The following CERS6 variants were observed in gnomAD, a reference collection of about 807,000 sequenced individuals.
CERS6 encodes the protein ceramide synthase 6.
In CERS6, 26 loss-of-function variants were observed where a neutral mutation model predicts 56.8. The observed-to-expected ratio is 0.46, with a 90% CI of 0.34 to 0.63. CERS6 has a LOEUF of 0.63. Ranked by LOEUF, CERS6 falls within the 30% of genes least tolerant of loss-of-function variation. The probability of loss-of-function intolerance (pLI) is 0.01; values close to 1 mark genes in which losing one functional copy is unlikely to be tolerated. For missense variants in CERS6, 415 were observed against 467.5 expected (o/e 0.89, Z 1.04); for synonymous variants, 164 against 173.3 (o/e 0.95, Z 0.42).
At chr2:168,478,065 G>C (rs1694111048) in intron 1 of CERS6, among the ~76,000 whole-genome samples, 1 of 149,352 alleles carries the variant, frequency 6.7e-6, no homozygotes, top group South Asian at 2.2e-4. Flanking sequence ...AAGGTTTCAA[G>C]TTTTATGTAG....
intron 4 of CERS6, among the ~76,000 whole-genome samples, chr2:168,648,035 A>G (rs1685246556): frequency 6.6e-6 from 1 of 152,060 alleles, no homozygotes; most frequent in Admixed American, 6.6e-5. Context: ...ATAGATTGAC[A>G]TGGGGGAAGA....
intron 8 of CERS6, among the ~76,000 whole-genome samples, chr2:168,737,918 T>G (rs1047733672): frequency 6.6e-6 from 1 of 152,216 alleles, no homozygotes; most frequent in Admixed American, 6.5e-5. Context: ...GATAATGGCA[T>G]TATGGTGAGT....
At chr2:168,600,071 T>C (rs190034640) in intron 3 of CERS6, among the ~76,000 whole-genome samples, 40 of 152,292 alleles carry the variant, frequency 2.6e-4, no homozygotes, top group Non-Finnish European at 3.7e-4. Flanking sequence ...GGCTCTAATA[T>C]ATCCTGGTTT....
rs57661032 is a variant in CERS6, at chr2:168,501,697, A to G, written c.170+45079A>G. ...ACTTTTGCCAGACCAGCTGTCTTTTAATGATTTCATCAATCTGCTCAACTA... is the reference window on the plus strand; with the variant it reads ...ACTTTTGCCAGACCAGCTGTCTTTTGATGATTTCATCAATCTGCTCAACTA... On this transcript the variant is annotated intron_variant, in intron 1 of 9. Coordinates refer to ENST00000305747, the MANE Select transcript of CERS6 (RefSeq NM_203463.3). Among the ~76,000 whole-genome samples, 773 of 152,312 alleles carry G rather than the reference A, an allele frequency of 5.1e-3. 5 individuals carry two copies. The highest frequency in any genetic ancestry group is 0.017 in the African/African-American group (710 of 41,574).
intron 3 of CERS6, among the ~76,000 whole-genome samples, chr2:168,593,928 A>C (rs957442212): frequency 1.3e-5 from 2 of 152,130 alleles, no homozygotes; most frequent in African/African-American, 4.8e-5. Context: ...ATACTCTGTT[A>C]CTCTGTTTTG....
chr2:168,575,644 A>G (rs1252780425), intron 3 of CERS6, among the ~76,000 whole-genome samples: 5 of 152,194 alleles, frequency 3.3e-5, no homozygotes, highest in Non-Finnish European at 4.4e-5. Context: ...TGATAGCACT[A>G]TAGTAGCACT....
rs570613045 is a variant in CERS6 at position 168,771,074 on chromosome 2, C to G, written c.*1412C>G. On this transcript the variant is annotated 3_prime_UTR_variant, in exon 10 of 10. Transcript: ENST00000305747. ...GTAAGAGGAAAAAGGGATTATAAAA[C>G]CCTTCATAAATCAAGAAGGCCATCA... is the stretch of plus-strand genomic sequence containing the variant. 3 of 152,260 alleles carry G rather than the reference C, an allele frequency of 2.0e-5. 1 individual carries two copies. The highest frequency in any genetic ancestry group is 7.2e-5 in the African/African-American group (3 of 41,542). 9.4% of individuals were successfully genotyped at this position (152,260 alleles called of 1,614,324 possible). A position where few individuals can be genotyped will look rare whatever the true frequency, so the allele number is the denominator to read the frequency against.
intron 3 of CERS6, among the ~76,000 whole-genome samples, chr2:168,618,074 T>G (rs1684362477): frequency 6.6e-6 from 1 of 152,126 alleles, no homozygotes. Context: ...AGGAGTGGTT[T>G]AACATACATC....
chr2:168,689,408 C>G (rs965282217), intron 4 of CERS6, among the ~76,000 whole-genome samples: 1 of 151,958 alleles, frequency 6.6e-6, no homozygotes, highest in Non-Finnish European at 1.5e-5. Context: ...TACATAGGGA[C>G]AAAAGACCAA....
chr2:168,760,766 A>ATTTATTTATTTT (rs1224521892), intron 8 of CERS6, among the ~76,000 whole-genome samples: 5 of 127,120 alleles, frequency 3.9e-5, no homozygotes, highest in African/African-American at 1.3e-4. Flanking sequence ...TTATTTATTT[A>ATTTATTTATTTT]TTTTTTTGAG....
rs1053416153 is a variant in CERS6, at chr2:168,772,278, G to GT, written c.*2616_*2617insT. The GT allele has an allele frequency of 2.6e-5, 4 of 152,546 alleles. No homozygotes were observed. Among genetic ancestry groups the GT allele is most frequent in the Non-Finnish European group, 5.9e-5 (4 of 68,038 alleles). The allele number at this position is 152,546 out of a possible 1,614,324, so 9.4% of individuals were successfully genotyped here. Reference sequence around the variant, plus strand: ...TTCCCAGAGTACAAAGGGGTATGTAGAAAGGATTCCAGAAGAAGTAATACT... The same window carrying GT: ...TTCCCAGAGTACAAAGGGGTATGTAGTAAAGGATTCCAGAAGAAGTAATACT... On this transcript the variant is annotated 3_prime_UTR_variant, in exon 10 of 10. Coordinates refer to ENST00000305747, the MANE Select transcript of CERS6 (RefSeq NM_203463.3).
intron 1 of CERS6, among the ~76,000 whole-genome samples, chr2:168,498,142 T>C (rs761574165): frequency 2.0e-5 from 3 of 152,148 alleles, no homozygotes; most frequent in Non-Finnish European, 4.4e-5. Flanking sequence ...CCCAAAATAG[T>C]CATATTGCTA....
intron 1 of CERS6, among the ~76,000 whole-genome samples, chr2:168,524,282 T>C (rs1695032640): frequency 6.6e-6 from 1 of 152,210 alleles, no homozygotes; most frequent in Non-Finnish European, 1.5e-5. Context: ...ATGACTTACA[T>C]TAGTTTCATT....
intron 1 of CERS6, among the ~76,000 whole-genome samples, chr2:168,512,717 G>T (rs1298792807): frequency 6.7e-6 from 1 of 149,294 alleles, no homozygotes; most frequent in East Asian, 1.9e-4. Context: ...ACCCAGGCTG[G>T]AGTGCAATGG....
chr2:168,537,975 A>G (rs114263904), intron 1 of CERS6, among the ~76,000 whole-genome samples: 2,055 of 152,146 alleles, frequency 0.014, 38 homozygotes, highest in South Asian at 0.049. Flanking sequence ...CATCCCATCC[A>G]TGTTCAGTCT....
chr2:168,691,481 A>G (rs1863144), intron 5 of CERS6, among the ~76,000 whole-genome samples: 122,647 of 152,126 alleles, frequency 0.81, 50,872 homozygotes, highest in Non-Finnish European at 0.9. Flanking sequence ...GAGCAGGTAC[A>G]CTGAGTTCAG....
At chr2:168,642,878 A>G (rs1229432582) in intron 4 of CERS6, among the ~76,000 whole-genome samples, 1 of 152,202 alleles carries the variant, frequency 6.6e-6, no homozygotes, top group African/African-American at 2.4e-5. Context: ...CTTGTTGTGA[A>G]TTGTCAGGAT....
chr2:168,744,285 T>A (rs564743546), intron 8 of CERS6, among the ~76,000 whole-genome samples: 161 of 152,250 alleles, frequency 1.1e-3, no homozygotes, highest in Admixed American at 1.9e-3. Flanking sequence ...GATTTACAGG[T>A]GTGAGCCACC....
chr2:168,564,420 C>T (rs1695847977), intron 3 of CERS6, among the ~76,000 whole-genome samples: 1 of 152,090 alleles, frequency 6.6e-6, no homozygotes, highest in Non-Finnish European at 1.5e-5. Context: ...ATCTTGCATA[C>T]ACATAGACAT....
Sources: allele counts gnomAD v4.1 joint callset (sites outside exome capture counted in the v4.1 genomes callset), GRCh38; gene constraint gnomAD v4.1.1; transcripts MANE v1.5; gene names NCBI Gene and HGNC (gene_info 2026-07-23, HGNC 2026-07-21).